Variants in EBPL observed in about 807,000 individuals in gnomAD.
EBPL encodes EBP like.
In EBPL, 20 loss-of-function variants were observed where a neutral mutation model predicts 19.0. The observed-to-expected ratio is 1.05, with a 90% CI of 0.74 to 1.53. The LOEUF (loss-of-function observed/expected upper bound fraction) is 1.53, where lower values mean the gene tolerates loss of function less well. Among genes scored for constraint, EBPL ranks in the 40% most tolerant of loss-of-function variants. The pLI, the probability that EBPL is intolerant of heterozygous loss-of-function variation, is 0.00. For missense variants in EBPL, 219 were observed against 261.1 expected (o/e 0.84, Z 1.11); for synonymous variants, 107 against 117.0 (o/e 0.91, Z 0.55).
intron 1 of EBPL, among the ~76,000 whole-genome samples, chr13:49,685,872 A>G (rs74918851): frequency 0.011 from 1,621 of 152,192 alleles, 29 homozygotes; most frequent in African/African-American, 0.037. Context: ...GAGAAAAAAA[A>G]AAAAAGGGAC....
intron 1 of EBPL, among the ~76,000 whole-genome samples, chr13:49,679,058 A>C: frequency 6.6e-6 from 1 of 150,980 alleles, no homozygotes; most frequent in Non-Finnish European, 1.5e-5. Context: ...TGCTCTAACC[A>C]CACAAAGACC....
chr13:49,668,709 T>TCTGTC, intron 2 of EBPL: 1 of 287,214 alleles, frequency 3.5e-6, no homozygotes, highest in Non-Finnish European at 6.9e-6. Flanking sequence ...CAGTACATGG[T>TCTGTC]AGAATATCAA....
At chr13:49,667,678 TCTTA>T (rs1953751878) in intron 2 of EBPL, among the ~76,000 whole-genome samples, 1 of 152,186 alleles carries the variant, frequency 6.6e-6, no homozygotes, top group Non-Finnish European at 1.5e-5. Flanking sequence ...AGAAATACGG[TCTTA>T]CTGTGTTGCC....
At position 49,691,403 on chromosome 13, in the gene EBPL, C is replaced by A. The variant is rs1465974911; in HGVS notation, c.22G>T (p.Gly8Trp). ...AGCAGCGAACCGCCAGCCTCGGCCC[C>A]CAGCTCCCACTCAGCGCCCATGCTT... is the stretch of plus-strand genomic sequence containing the variant. Reference protein sequence around the residue: MGAEWELGAEAGGSLLLC... With the variant: MGAEWELWAEAGGSLLLC... Residue 8 changes from glycine to tryptophan, a missense_variant, in exon 1 of 4, where the codon GGG becomes TGG. Transcript: ENST00000242827. The A allele has an allele frequency of 2.2e-6, 3 of 1,351,684 alleles. No individual in the cohort carries two copies. The highest frequency in any genetic ancestry group is 2.4e-5 in the South Asian group (1 of 42,302). The allele number at this position is 1,351,684 out of a possible 1,614,324, so 83.7% of individuals were successfully genotyped here.
At chr13:49,673,962 T>TATACACACACACAC (rs1555300742) in intron 1 of EBPL, among the ~76,000 whole-genome samples, 2 of 143,376 alleles carry the variant, frequency 1.4e-5, no homozygotes, top group Admixed American at 7.2e-5. Flanking sequence ...TGGAACTTAA[T>TATACACACACACAC]ACACACACAC....
At chr13:49,684,998 G>A (rs2137510192) in intron 1 of EBPL, among the ~76,000 whole-genome samples, 1 of 152,156 alleles carries the variant, frequency 6.6e-6, no homozygotes, top group East Asian at 1.9e-4. Context: ...CTCTGCCTCC[G>A]GGGCTCAAAC....
chr13:49,675,886 T>TA (rs1336299552), intron 1 of EBPL, among the ~76,000 whole-genome samples: 1 of 151,880 alleles, frequency 6.6e-6, no homozygotes, highest in Non-Finnish European at 1.5e-5. Flanking sequence ...TTGTTTTTTT[T>TA]TTTTTAATAG....
chr13:49,664,307 G>C (rs781343765), intron 2 of EBPL, among the ~76,000 whole-genome samples: 9 of 152,210 alleles, frequency 5.9e-5, no homozygotes, highest in Admixed American at 2.6e-4. Flanking sequence ...TGAAGGGACA[G>C]TGGGCAGGGA....
chr13:49,686,957 A>T (rs1954005415), intron 1 of EBPL, among the ~76,000 whole-genome samples: 2 of 152,084 alleles, frequency 1.3e-5, no homozygotes, highest in Non-Finnish European at 2.9e-5. Context: ...CACCACACCC[A>T]GCTAATTTTT....
chr13:49,685,998 A>T (rs1953993287), intron 1 of EBPL, among the ~76,000 whole-genome samples: 1 of 152,192 alleles, frequency 6.6e-6, no homozygotes, highest in South Asian at 2.1e-4. Context: ...GGGCCTCAAG[A>T]TTTCTCAACG....
intron 1 of EBPL, among the ~76,000 whole-genome samples, chr13:49,673,699 A>G (rs1210055609): frequency 6.6e-6 from 1 of 152,124 alleles, no homozygotes; most frequent in Admixed American, 6.5e-5. Context: ...AGCCTCCCCA[A>G]GTGCTGGGAT....
Position 49,691,486 on chromosome 13 carries a change from C to A in EBPL, c.-62G>T. The A allele has an allele frequency of 8.0e-7, 1 of 1,257,174 alleles. No homozygotes were observed. Among genetic ancestry groups the A allele is most frequent in the Non-Finnish European group, 1.0e-6 (1 of 999,416 alleles). 77.9% of individuals were successfully genotyped at this position (1,257,174 alleles called of 1,614,324 possible). A position where few individuals can be genotyped will look rare whatever the true frequency, so the allele number is the denominator to read the frequency against. On this transcript the variant is annotated 5_prime_UTR_variant, in exon 1 of 4. Coordinates refer to ENST00000242827, the MANE Select transcript of EBPL (RefSeq NM_032565.5). ...CGGCAGAGGAAAGCAGGGAGAGAAACGACGGGGCGGGGCTGGCCGGGAAGG... is the reference window on the plus strand; with the variant it reads ...CGGCAGAGGAAAGCAGGGAGAGAAAAGACGGGGCGGGGCTGGCCGGGAAGG...
intron 2 of EBPL, among the ~76,000 whole-genome samples, chr13:49,664,732 A>G (rs1392479013): frequency 6.6e-6 from 1 of 152,188 alleles, no homozygotes; most frequent in African/African-American, 2.4e-5. Context: ...GCTACTGAGC[A>G]GCACACAGCT....
rs539830427 is a variant in EBPL, at chr13:49,664,303, GAC to G, written c.242-1110_242-1109del. ...CAGAAGAGAAACTAGGTGCTGAAGG[GAC>G]AGTGGGCAGGGAGGGGAGGAGAGAG... On this transcript the variant is annotated intron_variant, in intron 2 of 3. Transcript: ENST00000242827. 4.1e-4 allele frequency among the ~76,000 whole-genome samples: 62 copies of G among 152,332 alleles called. No homozygotes were observed. In the South Asian group the frequency reaches 0.013, roughly 32 times the overall value.
chr13:49,671,277 A>G (rs1042336382), intron 1 of EBPL, among the ~76,000 whole-genome samples: 12 of 152,186 alleles, frequency 7.9e-5, no homozygotes, highest in African/African-American at 2.9e-4. Flanking sequence ...AGCTGGGACC[A>G]CAGGCGTGTG....
intron 1 of EBPL, among the ~76,000 whole-genome samples, chr13:49,683,299 G>A (rs1953961794): frequency 6.6e-6 from 1 of 151,876 alleles, no homozygotes; most frequent in Non-Finnish European, 1.5e-5. Flanking sequence ...GGCCGAGGCG[G>A]GCAGATCATG....
intron 1 of EBPL, chr13:49,686,489 C>CT (rs762887235): frequency 4.0e-4 from 489 of 1,234,762 alleles, no homozygotes; most frequent in Admixed American, 1.5e-3. Flanking sequence ...TATTTTCTTT[C>CT]TTTTTTTTTA....
intron 1 of EBPL, among the ~76,000 whole-genome samples, chr13:49,674,992 C>A (rs993507284): frequency 6.6e-6 from 1 of 152,202 alleles, no homozygotes; most frequent in Non-Finnish European, 1.5e-5. Flanking sequence ...CCTCTCTCAG[C>A]CCAACACCCA....
At chr13:49,678,966 C>T (rs67394151) in intron 1 of EBPL, among the ~76,000 whole-genome samples, 27,503 of 138,774 alleles carry the variant, frequency 0.2, 3,199 homozygotes, top group Non-Finnish European at 0.27. Context: ...GAGTCAAGAT[C>T]GTGTGTGTCT....
Sources: gnomAD v4.1 joint callset for allele counts (sites outside exome capture counted in the v4.1 genomes callset) on GRCh38, gnomAD v4.1.1 for gene constraint, MANE v1.5 for transcripts, NCBI Gene and HGNC (gene_info 2026-07-23, HGNC 2026-07-21) for gene names.